Variants in TMEM70 observed in about 807,000 individuals in gnomAD.
The protein encoded by TMEM70 is transmembrane protein 70, mitochondrial.
TMEM70 carries 15 observed loss-of-function variants against 20.5 expected under a neutral mutation model. The observed-to-expected ratio is 0.73, with a 90% CI of 0.49 to 1.13. The LOEUF (loss-of-function observed/expected upper bound fraction) is 1.13, where lower values mean the gene tolerates loss of function less well. Among genes scored for constraint, TMEM70 ranks in the 50% most tolerant of loss-of-function variants. The probability of loss-of-function intolerance (pLI) is 0.00; values close to 1 mark genes in which losing one functional copy is unlikely to be tolerated. For missense variants in TMEM70, 344 were observed against 331.7 expected (o/e 1.04, Z -0.29); for synonymous variants, 141 against 134.2 (o/e 1.05, Z -0.35).
chr8:73,977,267 C>T (rs1436244975), intron 1 of TMEM70, among the ~76,000 whole-genome samples: 5 of 152,144 alleles, frequency 3.3e-5, no homozygotes, highest in Non-Finnish European at 4.4e-5. Context: ...CTGCAACCTC[C>T]GCCTTCCGGG....
Position 73,981,319 on chromosome 8 carries a change from TTTA to T in TMEM70, c.485_487del (p.Ile162del). ...GGTGATCACCCCAGTGCTGCTTCAC[TTTA>T]TTACAAAAGGCTATGTCATTCGATT... On this transcript the variant is annotated inframe_deletion, in exon 3 of 3. Transcript: ENST00000312184. The T allele has an allele frequency of 6.2e-7, 1 of 1,614,206 alleles. No individual in the cohort carries two copies.
At chr8:73,980,841 G>A (rs1412078996) in intron 2 of TMEM70, among the ~76,000 whole-genome samples, 3 of 152,180 alleles carry the variant, frequency 2.0e-5, no homozygotes, top group Non-Finnish European at 4.4e-5. Context: ...AACTTTTGTA[G>A]TACAATATTA....
intron 1 of TMEM70, among the ~76,000 whole-genome samples, chr8:73,978,493 C>G (rs930251401): frequency 2.0e-5 from 3 of 151,064 alleles, no homozygotes; most frequent in African/African-American, 4.9e-5. Context: ...AGTTCAAGAC[C>G]AGTCTGGCCA....
intron 2 of TMEM70, 30 bp from the exon 3 acceptor site, chr8:73,981,125 A>G (rs751020129): frequency 6.4e-7 from 1 of 1,553,270 alleles, no homozygotes; most frequent in Non-Finnish European, 8.9e-7. Context: ...ATTTAAAAGT[A>G]TTGATCCTCT....
At position 73,981,897 on chromosome 8, in the gene TMEM70, G is replaced by C. The variant is rs1425311458; in HGVS notation, c.*276G>C. ...TTACTGTGGTTGACTCTAAACTGGGGATCTGATGTCAGTAGCAAATGGGAG... is the reference window on the plus strand; with the variant it reads ...TTACTGTGGTTGACTCTAAACTGGGCATCTGATGTCAGTAGCAAATGGGAG... On this transcript the variant is annotated 3_prime_UTR_variant, in exon 3 of 3. Coordinates refer to ENST00000312184, the MANE Select transcript of TMEM70 (RefSeq NM_017866.6). 5.4e-6 allele frequency: 3 copies of C among 559,832 alleles called. No homozygotes were observed. Among genetic ancestry groups the C allele is most frequent in the East Asian group, 4.2e-5 (1 of 23,820 alleles). The allele number at this position is 559,832 out of a possible 1,614,324, so 34.7% of individuals were successfully genotyped here.
chr8:73,981,272 A>G lies in TMEM70; in HGVS notation c.434A>G (p.Tyr145Cys), dbSNP rs111248269. 4.2e-5 allele frequency: 68 copies of G among 1,614,088 alleles called. No individual in the cohort carries two copies. The highest frequency in any genetic ancestry group is 4.0e-4 in the African/African-American group (30 of 75,022). ...SVPLPIQIIF[Y>C]GIMGSFTVIT... ...CCTCTGCCTATTCAAATCATATTCT[A>G]TGGCATCATGGGAAGCTTTACGGTG... is the stretch of plus-strand genomic sequence containing the variant. Residue 145 changes from tyrosine (Y) to cysteine (C), a missense_variant, in exon 3 of 3, where the codon TAT becomes TGT. Tyr to Cys is a radical substitution (Grantham distance 194). Transcript: ENST00000312184.
chr8:73,976,914 G>A (rs1329940613), intron 1 of TMEM70, among the ~76,000 whole-genome samples: 1 of 152,214 alleles, frequency 6.6e-6, no homozygotes, highest in Non-Finnish European at 1.5e-5. Flanking sequence ...TTTGGTCCCT[G>A]GGAAAAGGGG....
intron 2 of TMEM70, among the ~76,000 whole-genome samples, chr8:73,979,795 C>G (rs944020857): frequency 5.3e-5 from 8 of 151,458 alleles, no homozygotes; most frequent in African/African-American, 1.7e-4. Context: ...TTAAGCTAGT[C>G]AAATTTAGCA....
At chr8:73,978,154 T>C (rs1815698171) in intron 1 of TMEM70, among the ~76,000 whole-genome samples, 1 of 151,936 alleles carries the variant, frequency 6.6e-6, no homozygotes, top group African/African-American at 2.4e-5. Flanking sequence ...TGGTGTGATC[T>C]CGGACCACTG....
At position 73,978,880 on chromosome 8, in the gene TMEM70, G is replaced by T. The variant is rs1227899471; in HGVS notation, c.316+19G>T. Reference sequence around the variant, plus strand: ...GTGTTTGGTAAGTAATTGGAGGTGGGTGTACTTACTTTGTTTTTTTCTCTT... The same window carrying T: ...GTGTTTGGTAAGTAATTGGAGGTGGTTGTACTTACTTTGTTTTTTTCTCTT... On this transcript the variant is annotated intron_variant, in intron 2 of 2. Coordinates refer to ENST00000312184, the MANE Select transcript of TMEM70 (RefSeq NM_017866.6). The T allele has an allele frequency of 1.9e-6, 3 of 1,613,094 alleles. No individual in the cohort carries two copies. Among genetic ancestry groups the T allele is most frequent in the African/African-American group, 1.3e-5 (1 of 74,852 alleles).
In TMEM70 at chr8:73,981,123, G is replaced by A. The variant is rs868644436; in HGVS notation, c.317-32G>A. 5.2e-6 allele frequency: 8 copies of A among 1,550,010 alleles called. No homozygotes were observed. The Middle Eastern group carries it at 1.5e-3, about 285-fold the overall frequency. ...ATTGATTCTTTTATAAAATTTAAAA[G>A]TATTGATCCTCTCTCTTTTTTTCCC... On this transcript the variant is annotated intron_variant, in intron 2 of 2. Transcript: ENST00000312184.
chr8:73,982,525 A>G lies in TMEM70; in HGVS notation c.*904A>G, dbSNP rs59024088. 9,393 of 572,112 alleles carry G rather than the reference A, an allele frequency of 0.016. 121 individuals carry two copies. The highest frequency in any genetic ancestry group is 0.041 in the Middle Eastern group (81 of 1,972). 35.4% of individuals were successfully genotyped at this position (572,112 alleles called of 1,614,324 possible). On this transcript the variant is annotated 3_prime_UTR_variant, in exon 3 of 3. Transcript: ENST00000312184. ...CCAGTTGTTAAAAAATTTTCAAAAA[A>G]CCGCAAAATTTCAAGAAATTCACAA... is the stretch of plus-strand genomic sequence containing the variant.
At chr8:73,978,012 T>A (rs1815693782) in intron 1 of TMEM70, among the ~76,000 whole-genome samples, 1 of 152,176 alleles carries the variant, frequency 6.6e-6, no homozygotes, top group African/African-American at 2.4e-5. Context: ...TGTCAGCCAA[T>A]TTATTTCTTT....
intron 1 of TMEM70, among the ~76,000 whole-genome samples, chr8:73,976,751 A>ATG (rs1815661357): frequency 1.3e-5 from 2 of 152,216 alleles, no homozygotes; most frequent in African/African-American, 4.8e-5. Context: ...TGACAACTAT[A>ATG]TGTAGTTCCT....
At chr8:73,980,685 A>G (rs1198805568) in intron 2 of TMEM70, among the ~76,000 whole-genome samples, 2 of 152,046 alleles carry the variant, frequency 1.3e-5, no homozygotes, top group Non-Finnish European at 2.9e-5. Context: ...ATGTTTTTTA[A>G]CCACTGGTTT....
intron 1 of TMEM70, among the ~76,000 whole-genome samples, chr8:73,976,992 C>A (rs766418010): frequency 5.3e-5 from 8 of 152,144 alleles, no homozygotes; most frequent in South Asian, 2.1e-4. Flanking sequence ...TGTAAAATAT[C>A]AGGATTGGCA....
chr8:73,981,645 C>A lies in TMEM70; in HGVS notation c.*24C>A. ...GAGCCTATTTGTTAGTGTTCGTGCT[C>A]AAATGTGATTTACGTTTTAATGTAT... On this transcript the variant is annotated 3_prime_UTR_variant, in exon 3 of 3. Coordinates refer to ENST00000312184, the MANE Select transcript of TMEM70 (RefSeq NM_017866.6). The A allele has an allele frequency of 6.6e-7, 1 of 1,513,062 alleles. No homozygotes were observed. The highest frequency in any genetic ancestry group is 1.1e-5 in the South Asian group (1 of 88,800). 93.7% of individuals were successfully genotyped at this position (1,513,062 alleles called of 1,614,324 possible).
intron 2 of TMEM70, 133 bp from the exon 3 acceptor site, chr8:73,981,022 G>A (rs1449629830): frequency 5.4e-6 from 4 of 742,322 alleles, no homozygotes; most frequent in Non-Finnish European, 9.0e-6. Context: ...AATATAATAA[G>A]CACTGTATTT....
rs140127609 is a variant in TMEM70 at position 73,982,377 on chromosome 8, G to T, written c.*756G>T. On this transcript the variant is annotated 3_prime_UTR_variant, in exon 3 of 3. Coordinates refer to ENST00000312184, the MANE Select transcript of TMEM70 (RefSeq NM_017866.6). ...CGTTTCCAGATGAGAATCCACAAGC[G>T]ACTCATTGACTTGCGCAGTCCTCAG... 204 of 731,736 alleles carry T rather than the reference G, an allele frequency of 2.8e-4. No homozygotes were observed. The African/African-American group carries it at 3.0e-3, about 11-fold the overall frequency. 45.3% of individuals were successfully genotyped at this position (731,736 alleles called of 1,614,324 possible).
Sources: allele counts gnomAD v4.1 joint callset (sites outside exome capture counted in the v4.1 genomes callset), GRCh38; gene constraint gnomAD v4.1.1; transcripts MANE v1.5; gene names NCBI Gene and HGNC (gene_info 2026-07-23, HGNC 2026-07-21).